SH3PXD2A: variants seen among roughly 807,000 people sequenced by gnomAD.
SH3PXD2A encodes SH3 and PX domain-containing protein 2A.
A neutral mutation model predicts 115.2 loss-of-function variants in SH3PXD2A; 32 were observed. The observed-to-expected ratio is 0.28, with a 90% confidence interval of 0.21 to 0.37. The LOEUF is 0.37. SH3PXD2A is among the 10% of genes least tolerant of loss of function. SH3PXD2A has a pLI of 1.00. For synonymous variants in SH3PXD2A, 610 were observed against 629.1 expected, an observed-to-expected ratio of 0.97 and a Z score of 0.45; for missense variants, 1,328 against 1,498.7, an observed-to-expected ratio of 0.89 and a Z score of 1.88.
At chr10:103,682,540 A>G (rs540740996) in intron 6 of SH3PXD2A, among the ~76,000 whole-genome samples, 4 of 152,252 alleles carry the variant, frequency 2.6e-5, no homozygotes, top group African/African-American at 9.6e-5. Flanking sequence ...GGTGGATCAC[A>G]AGGTCAGGAG....
chr10:103,672,074 T>G (rs1490789842), intron 6 of SH3PXD2A, among the ~76,000 whole-genome samples: 6 of 152,226 alleles, frequency 3.9e-5, no homozygotes, highest in African/African-American at 1.4e-4. Flanking sequence ...CACTGGAGGT[T>G]AGGAGTTCGA....
intron 1 of SH3PXD2A, among the ~76,000 whole-genome samples, chr10:103,814,126 G>A (rs1288595892): frequency 6.6e-6 from 1 of 152,112 alleles, no homozygotes; most frequent in Non-Finnish European, 1.5e-5. Flanking sequence ...TTTGTACTGG[G>A]TGCTTTTTCT....
chr10:103,686,378 G>A (rs1017993874), intron 6 of SH3PXD2A, among the ~76,000 whole-genome samples: 7 of 152,168 alleles, frequency 4.6e-5, no homozygotes, highest in South Asian at 2.1e-4. Flanking sequence ...AGAACTTCCC[G>A]GCTAGGTGCC....
chr10:103,632,406 C>T (rs953765529), intron 8 of SH3PXD2A, among the ~76,000 whole-genome samples: 1 of 152,180 alleles, frequency 6.6e-6, no homozygotes, highest in African/African-American at 2.4e-5. Flanking sequence ...GTCAGGAGCC[C>T]TGGTTGCCAC....
chr10:103,791,201 C>T (rs1208144616), intron 2 of SH3PXD2A, among the ~76,000 whole-genome samples: 3 of 152,222 alleles, frequency 2.0e-5, no homozygotes, highest in African/African-American at 7.2e-5. Flanking sequence ...CCCACATTGA[C>T]CCCATGGAGA....
In SH3PXD2A at chr10:103,611,592, C is replaced by T; in HGVS notation, c.1297G>A (p.Glu433Lys). ...NLRTRPPPRR[E>K]SSLGFQLPKP... is the part of the protein sequence containing the mutation. The stretch of plus-strand genomic sequence containing the variant: ...TTCAGTACACATACCAGGCTGGATT[C>T]TCTGCGTGGTGGAGGTCTTGTCCGT... The change falls in exon 13 of 15, where the codon GAA becomes AAA. Residue 433 changes from glutamate (E) to lysine (K), a missense_variant. Physicochemically the swap from Glu to Lys is moderately conservative, Grantham distance 56 (BLOSUM62 1). This residue lies in a region of SH3PXD2A where 509 missense variants were observed against 628.3 expected (regional missense o/e 0.81). Transcript: ENST00000369774. 1 of 1,613,986 alleles carries T rather than the reference C, an allele frequency of 6.2e-7. No individual in the cohort carries two copies. The highest frequency in any genetic ancestry group is 8.5e-7 in the Non-Finnish European group (1 of 1,179,844).
chr10:103,724,287 A>G lies in SH3PXD2A; in HGVS notation c.381T>C (p.Asp127=), dbSNP rs779685232. Reference sequence around the variant, plus strand: ...TTACTTACTCTTTTGGAGGGTTGACATCCTCGGGTCGAGCCTCGAAGAACC... The same window carrying G: ...TTACTTACTCTTTTGGAGGGTTGACGTCCTCGGGTCGAGCCTCGAAGAACC... ...VFRFFEARPE[D]VNPPKEDYGS... is the part of the protein sequence containing the mutation. The change falls in exon 5 of 15, where the codon GAT becomes GAC. Residue 127 remains aspartate, a synonymous_variant. Transcript: ENST00000369774. 6.4e-7 allele frequency: 1 copy of G among 1,573,980 alleles called. No individual in the cohort carries two copies. The highest frequency in any genetic ancestry group is 8.6e-7 in the Non-Finnish European group (1 of 1,162,632).
intron 3 of SH3PXD2A, among the ~76,000 whole-genome samples, chr10:103,742,955 C>T (rs4999190): frequency 4.9e-5 from 7 of 144,102 alleles, no homozygotes; most frequent in Non-Finnish European, 9.1e-5. Flanking sequence ...CCCTCCCCCC[C>T]TCAAGGGTGA....
chr10:103,705,181 C>G (rs970730340), intron 5 of SH3PXD2A, among the ~76,000 whole-genome samples: 1 of 152,190 alleles, frequency 6.6e-6, no homozygotes, highest in African/African-American at 2.4e-5. Flanking sequence ...GCCGCCACCT[C>G]CATCCTCCAC....
At chr10:103,671,671 ACCCTGG>A (rs2037461805) in intron 6 of SH3PXD2A, among the ~76,000 whole-genome samples, 1 of 151,516 alleles carries the variant, frequency 6.6e-6, no homozygotes, top group Non-Finnish European at 1.5e-5. Context: ...TGGCTCACAA[ACCCTGG>A]CCCTCCAGCC....
At chr10:103,827,939 C>T (rs574785589) in intron 1 of SH3PXD2A, among the ~76,000 whole-genome samples, 12 of 152,318 alleles carry the variant, frequency 7.9e-5, no homozygotes, top group African/African-American at 2.2e-4. Context: ...AGTCGTGCCC[C>T]GCAGAGGACT....
chr10:103,691,518 C>A (rs759920074), intron 6 of SH3PXD2A, among the ~76,000 whole-genome samples: 4 of 152,102 alleles, frequency 2.6e-5, no homozygotes, highest in Non-Finnish European at 5.9e-5. Context: ...CATTCTCCCA[C>A]TTGAGACCTG....
At chr10:103,701,105 T>C (rs146862213) in intron 5 of SH3PXD2A, among the ~76,000 whole-genome samples, 31 of 1,196 alleles carry the variant, frequency 0.026, 6 homozygotes, top group Non-Finnish European at 0.034. Flanking sequence ...TCTATCCATC[T>C]ACCATCCAGC....
At chr10:103,643,947 TA>T (rs750646384) in intron 8 of SH3PXD2A, among the ~76,000 whole-genome samples, 1 of 150,766 alleles carries the variant, frequency 6.6e-6, no homozygotes, top group African/African-American at 2.4e-5. Context: ...CCATCTCTAC[TA>T]AAAAATACAA....
intron 1 of SH3PXD2A, among the ~76,000 whole-genome samples, chr10:103,823,094 G>C (rs2134293034): frequency 6.6e-6 from 1 of 152,270 alleles, no homozygotes; most frequent in East Asian, 1.9e-4. Context: ...AATTTATCTT[G>C]GGGAATAAAT....
At chr10:103,612,530 A>G (rs1451423683) in intron 12 of SH3PXD2A, among the ~76,000 whole-genome samples, 1 of 152,200 alleles carries the variant, frequency 6.6e-6, no homozygotes, top group African/African-American at 2.4e-5. Context: ...GGAAAAGAAA[A>G]CATTTCTTGC....
intron 8 of SH3PXD2A, among the ~76,000 whole-genome samples, chr10:103,655,548 G>A (rs962711303): frequency 1.3e-5 from 2 of 152,036 alleles, no homozygotes; most frequent in African/African-American, 4.8e-5. Context: ...CGAGGTAGGT[G>A]GATCATTTGA....
chr10:103,693,198 G>T (rs2037780887), intron 5 of SH3PXD2A, 142 bp from the exon 6 acceptor site: 1 of 336,480 alleles, frequency 3.0e-6, no homozygotes, highest in African/African-American at 2.2e-5. Context: ...CTAGCCGCGC[G>T]CTCCGCAGCC....
Position 103,702,121 on chromosome 10 carries a change from C to T in SH3PXD2A, c.399-9065G>A, listed in dbSNP as rs116165351. Among the ~76,000 whole-genome samples the T allele has an allele frequency of 2.2e-3, 335 of 151,988 alleles. 2 individuals carry two copies. Among genetic ancestry groups the T allele is most frequent in the African/African-American group, 7.7e-3 (321 of 41,422 alleles). ...ATCCAGCCATCCATCCATCATCCAT[C>T]CATCATTCATCTACCATTCACCCAT... On this transcript the variant is annotated intron_variant, in intron 5 of 14. Coordinates refer to ENST00000369774, the MANE Select transcript of SH3PXD2A (RefSeq NM_001394015.1).
Sources: gnomAD v4.1 joint callset for allele counts (sites outside exome capture counted in the v4.1 genomes callset) on GRCh38, gnomAD v4.1.1 for gene constraint, gnomAD v4.1.1 regional missense constraint, MANE v1.5 for transcripts, NCBI Gene and HGNC (gene_info 2026-07-23, HGNC 2026-07-21) for gene names.